The following ACKR5 variants were observed in gnomAD, a reference collection of about 807,000 sequenced individuals.
The protein encoded by ACKR5 is G protein-coupled receptor 182.
chr12:56,996,437 ACTC>A, the ACKR5 span: 1 of 1,555,018 alleles, frequency 6.4e-7, no homozygotes, highest in Non-Finnish European at 8.7e-7. Context: ...TAGAGGCCAG[ACTC>A]CTCCAACAGT....
At chr12:56,996,329 G>GC in the ACKR5 span, 113 of 1,614,032 alleles carry the variant, frequency 7.0e-5, no homozygotes, top group Middle Eastern at 1.6e-4. Context: ...TGCTGCAGCA[G>GC]CCCCCCACCC....
chr12:56,998,233 G>T, the ACKR5 span: 1 of 152,150 alleles, frequency 6.6e-6, no homozygotes, highest in Non-Finnish European at 1.5e-5. Flanking sequence ...TATCACCCTG[G>T]CAGTATGAAT....
At chr12:56,996,667 T>C in the ACKR5 span, 1 of 463,064 alleles carries the variant, frequency 2.2e-6, no homozygotes, top group Non-Finnish European at 3.9e-6. Flanking sequence ...GTGAAATAAA[T>C]GGAAGAGATA....
the ACKR5 span, chr12:56,995,573 G>A: frequency 1.4e-5 from 23 of 1,614,156 alleles, no homozygotes; most frequent in South Asian, 5.5e-5. This position sits in a 1 kb window ranked among gnomAD's most constrained non-coding sequence, Gnocchi z 4.7. Context: ...CTGGCTCTGG[G>A]GCAGCTTCTC....
chr12:56,995,471 A>T, the ACKR5 span: 1 of 1,614,170 alleles, frequency 6.2e-7, no homozygotes, highest in Non-Finnish European at 8.5e-7. This position sits in a 1 kb window ranked among gnomAD's most constrained non-coding sequence, Gnocchi z 4.7. Context: ...GGCAGGGCTG[A>T]TGAACCTCTA....
chr12:56,995,210 A>G, the ACKR5 span: 14 of 1,611,648 alleles, frequency 8.7e-6, no homozygotes, highest in Admixed American at 1.8e-4. The surrounding 1 kb of genome is among the most constrained non-coding windows in gnomAD (Gnocchi z 4.7). Context: ...GCTGGTCCCA[A>G]TGTCAGTGAA....
chr12:56,996,253 A>T, the ACKR5 span: 1 of 1,614,010 alleles, frequency 6.2e-7, no homozygotes, highest in African/African-American at 1.3e-5. Flanking sequence ...AGGCGGGCAC[A>T]TGCGCCTCCT....
the ACKR5 span, chr12:56,996,555 G>A: frequency 1.3e-6 from 1 of 759,264 alleles, no homozygotes; most frequent in East Asian, 2.7e-5. Flanking sequence ...AAAATACTGA[G>A]GTGTGGAGAG....
chr12:56,996,479 G>A, the ACKR5 span: 5 of 1,499,164 alleles, frequency 3.3e-6, no homozygotes, highest in Non-Finnish European at 4.5e-6. Context: ...GAGAGTATAG[G>A]TGGGAGATTT....
At chr12:56,995,602 C>T in the ACKR5 span, 1 of 1,614,192 alleles carries the variant, frequency 6.2e-7, no homozygotes, top group East Asian at 2.2e-5. This position sits in a 1 kb window ranked among gnomAD's most constrained non-coding sequence, Gnocchi z 4.7. Context: ...TCACTCACTA[C>T]TTCTACTTTG....
At chr12:56,995,186 C>T in the ACKR5 span, 1 of 1,591,100 alleles carries the variant, frequency 6.3e-7, no homozygotes, top group African/African-American at 1.3e-5. This position sits in a 1 kb window ranked among gnomAD's most constrained non-coding sequence, Gnocchi z 4.7. Flanking sequence ...CTCCCTTCAT[C>T]CCAATAGGCG....
the ACKR5 span, chr12:56,996,519 C>G: frequency 1.8e-6 from 2 of 1,113,474 alleles, no homozygotes; most frequent in Middle Eastern, 2.4e-4. Flanking sequence ...GGTCAAAGCA[C>G]TCGTGGTCAA....
the ACKR5 span, chr12:56,998,568 C>T: frequency 6.6e-6 from 1 of 152,230 alleles, no homozygotes. Flanking sequence ...CAACTAGACA[C>T]GGGCAGGGAC....
chr12:56,996,044 C>G, the ACKR5 span: 1 of 1,611,286 alleles, frequency 6.2e-7, no homozygotes, highest in Non-Finnish European at 8.5e-7. Context: ...TGTGACCCTG[C>G]TGCTGCTCAC....
At chr12:56,995,353 C>T in the ACKR5 span, 2 of 1,614,202 alleles carry the variant, frequency 1.2e-6, no homozygotes, top group Non-Finnish European at 1.7e-6. This position sits in a 1 kb window ranked among gnomAD's most constrained non-coding sequence, Gnocchi z 4.7. Flanking sequence ...TGGAGCTCAG[C>T]CAGAGCACCA....
chr12:56,996,348 G>A, the ACKR5 span: 3 of 1,614,006 alleles, frequency 1.9e-6, no homozygotes, highest in Non-Finnish European at 2.5e-6. Flanking sequence ...CCTGAGCCAA[G>A]CCTGAGCTTT....
the ACKR5 span, chr12:56,995,674 C>T: frequency 6.2e-7 from 1 of 1,614,018 alleles, no homozygotes. This position sits in a 1 kb window ranked among gnomAD's most constrained non-coding sequence, Gnocchi z 4.7. Context: ...ATGTCACCCT[C>T]ACCAGCGCCT....
At chr12:56,996,730 G>A in the ACKR5 span, 1 of 316,688 alleles carries the variant, frequency 3.2e-6, no homozygotes, top group Admixed American at 4.5e-5. Context: ...GGATTGGGAA[G>A]GGAGCTGAGG....
At chr12:56,996,268 C>T in the ACKR5 span, 1 of 1,614,204 alleles carries the variant, frequency 6.2e-7, no homozygotes, top group Non-Finnish European at 8.5e-7. Context: ...CCTCCTCTTC[C>T]TCCTGTTCCA....
Sources: allele counts gnomAD v4.1 joint callset, GRCh38; gene constraint gnomAD v4.1.1; non-coding constraint Gnocchi (gnomAD v3.1); transcripts MANE v1.5; gene names NCBI Gene and HGNC (gene_info 2026-07-23, HGNC 2026-07-21).